Variants in PAK5 observed in about 807,000 individuals in gnomAD.
PAK5 encodes serine/threonine-protein kinase PAK 5.
In PAK5, 16 loss-of-function variants were observed where a neutral mutation model predicts 65.9. The observed-to-expected ratio is 0.24, with a 90% CI of 0.16 to 0.37. The LOEUF (loss-of-function observed/expected upper bound fraction) is 0.37, where lower values mean the gene tolerates loss of function less well. PAK5 is among the 10% of genes least tolerant of loss of function. The pLI, the probability that PAK5 is intolerant of heterozygous loss-of-function variation, is 1.00. For synonymous variants in PAK5, 371 were observed against 354.9 expected (o/e 1.05, Z -0.51); for missense variants, 785 against 903.9 (o/e 0.87, Z 1.69).
At chr20:9,754,451 A>G (rs1173133033) in intron 1 of PAK5, among the ~76,000 whole-genome samples, 1 of 152,050 alleles carries the variant, frequency 6.6e-6, no homozygotes, top group Admixed American at 6.6e-5. Flanking sequence ...CCATGAGACC[A>G]GATGAAGTAA....
At chr20:9,685,663 T>C (rs1012254993) in intron 2 of PAK5, among the ~76,000 whole-genome samples, 2 of 152,254 alleles carry the variant, frequency 1.3e-5, no homozygotes, top group Non-Finnish European at 2.9e-5. Flanking sequence ...CAGTTTGTGG[T>C]ACTTTGTTAT....
chr20:9,538,538 A>C lies in PAK5; in HGVS notation c.*924T>G, dbSNP rs2045206196. On this transcript the variant is annotated 3_prime_UTR_variant, in exon 10 of 10. Transcript: ENST00000353224. ...ACTGAATCCAATGATCCTAGCACTG[A>C]AATTGCTCCCTGGGAGGGAAATTTG... 2 of 233,344 alleles carry C rather than the reference A, an allele frequency of 8.6e-6. No individual in the cohort carries two copies. Among genetic ancestry groups the C allele is most frequent in the Non-Finnish European group, 1.7e-5 (2 of 117,928 alleles). The allele number at this position is 233,344 out of a possible 1,614,324, so 14.5% of individuals were successfully genotyped here.
intron 1 of PAK5, among the ~76,000 whole-genome samples, chr20:9,830,764 A>ATTGCACCT (rs1231330237): frequency 6.6e-6 from 1 of 152,208 alleles, no homozygotes; most frequent in Non-Finnish European, 1.5e-5. Context: ...GGGCACCCAC[A>ATTGCACCT]TTGCACCTTC....
chr20:9,814,794 G>T (rs530262384), intron 1 of PAK5, among the ~76,000 whole-genome samples: 53 of 152,294 alleles, frequency 3.5e-4, no homozygotes, highest in Middle Eastern at 6.8e-3. Flanking sequence ...AATGACACGA[G>T]GGTGGACACC....
At chr20:9,587,941 T>G (rs1478414182) in intron 3 of PAK5, among the ~76,000 whole-genome samples, 1 of 152,198 alleles carries the variant, frequency 6.6e-6, no homozygotes, top group Non-Finnish European at 1.5e-5. Context: ...ATGTACTATA[T>G]GTATTGTATT....
rs548829325 is a variant in PAK5, at chr20:9,791,381, C to T, written c.-162+47381G>A. On this transcript the variant is annotated intron_variant, in intron 1 of 9. Transcript: ENST00000353224. ...AAAAGACCCACCACTCACCCAGTCA[C>T]CCAAAGCAGGACCTTGGGCACAACT... 7.2e-5 allele frequency among the ~76,000 whole-genome samples: 11 copies of T among 152,226 alleles called. No homozygotes were observed. The East Asian group carries it at 2.1e-3, about 30-fold the overall frequency.
In PAK5 at chr20:9,570,358, A is replaced by T. The variant is rs539537340; in HGVS notation, c.991-3974T>A. Among the ~76,000 whole-genome samples the T allele has an allele frequency of 2.0e-5, 3 of 152,326 alleles. No homozygotes were observed. In the South Asian group the frequency reaches 6.2e-4, roughly 32 times the overall value. On this transcript the variant is annotated intron_variant, in intron 4 of 9. Transcript: ENST00000353224. ...TATTAATACTCAAAGCAATAAGACAAGATGTAGTTAACATTAATATATTGA... is the reference window on the plus strand; with the variant it reads ...TATTAATACTCAAAGCAATAAGACATGATGTAGTTAACATTAATATATTGA...
At chr20:9,665,917 C>G (rs574562055) in intron 2 of PAK5, among the ~76,000 whole-genome samples, 1 of 152,192 alleles carries the variant, frequency 6.6e-6, no homozygotes, top group East Asian at 1.9e-4. Flanking sequence ...ATGGCAGAGC[C>G]TTTCAGTTTT....
intron 7 of PAK5, among the ~76,000 whole-genome samples, chr20:9,549,362 T>C (rs1027537146): frequency 6.6e-6 from 1 of 152,058 alleles, no homozygotes; most frequent in Non-Finnish European, 1.5e-5. Context: ...ATAACCAGAT[T>C]AACGTAGGCC....
chr20:9,689,353 T>G (rs772517150), intron 2 of PAK5, among the ~76,000 whole-genome samples: 5 of 152,192 alleles, frequency 3.3e-5, no homozygotes, highest in Non-Finnish European at 5.9e-5. Context: ...CTCAGCCAAA[T>G]ACCAATTACC....
chr20:9,668,626 A>G (rs1174090759), intron 2 of PAK5, among the ~76,000 whole-genome samples: 1 of 152,196 alleles, frequency 6.6e-6, no homozygotes, highest in East Asian at 1.9e-4. Flanking sequence ...AGAGCATAAC[A>G]CTGAGAACGA....
At chr20:9,742,572 C>T (rs745760650) in intron 1 of PAK5, among the ~76,000 whole-genome samples, 3 of 152,136 alleles carry the variant, frequency 2.0e-5, no homozygotes, top group South Asian at 2.1e-4. Flanking sequence ...GCAGACATTC[C>T]ACTCACAACC....
chr20:9,639,187 AT>A (rs1387865165), intron 3 of PAK5, among the ~76,000 whole-genome samples: 13 of 152,154 alleles, frequency 8.5e-5, no homozygotes, highest in Non-Finnish European at 1.8e-4. Context: ...CAGAGAAGCC[AT>A]TTTCAAAAAA....
At chr20:9,704,840 C>T (rs2047985988) in intron 2 of PAK5, among the ~76,000 whole-genome samples, 1 of 152,158 alleles carries the variant, frequency 6.6e-6, no homozygotes. Flanking sequence ...ATGTGACACG[C>T]AACACCTCTA....
chr20:9,615,219 A>G (rs558742496), intron 3 of PAK5, among the ~76,000 whole-genome samples: 1 of 152,332 alleles, frequency 6.6e-6, no homozygotes, highest in South Asian at 2.1e-4. Context: ...TTTTTAGGGC[A>G]GCGATTCTTT....
chr20:9,674,091 G>A (rs981567260), intron 2 of PAK5, among the ~76,000 whole-genome samples: 1 of 152,148 alleles, frequency 6.6e-6, no homozygotes, highest in African/African-American at 2.4e-5. Flanking sequence ...ATGTAAATGG[G>A]AATTATGAGG....
In PAK5 at chr20:9,580,362, C is replaced by A. The variant is rs758725931; in HGVS notation, c.773G>T (p.Gly258Val). ...CCTGTCATAGTCATCCAGGCTGGGT[C>A]CCCATTCACTTTCACTGTACGCCAG... ...ESLAYSESEW[G>V]PSLDDYDRRP... Residue 258 changes from glycine to valine, a missense_variant, in exon 4 of 10, where the codon GGA becomes GTA. Gly to Val is a moderately radical substitution (Grantham distance 109). Coordinates refer to ENST00000353224, the MANE Select transcript of PAK5 (RefSeq NM_177990.4). 8 of 1,613,854 alleles carry A rather than the reference C, an allele frequency of 5.0e-6. No individual in the cohort carries two copies. The African/African-American group carries it at 9.4e-5, about 19-fold the overall frequency.
Position 9,756,414 on chromosome 20 carries a change from A to G in PAK5, c.-161-44979T>C, listed in dbSNP as rs867156940. 2.0e-5 allele frequency among the ~76,000 whole-genome samples: 3 copies of G among 152,222 alleles called. No homozygotes were observed. In the South Asian group the frequency reaches 6.2e-4, roughly 32 times the overall value. On this transcript the variant is annotated intron_variant, in intron 1 of 9. Transcript: ENST00000353224. ...CATGCCCCAAATCCAGTAAATAGCAATGCAAACACTGGTGCATTCCCCTAC... is the reference window on the plus strand; with the variant it reads ...CATGCCCCAAATCCAGTAAATAGCAGTGCAAACACTGGTGCATTCCCCTAC...
chr20:9,618,941 T>TTTTTTTTTTTTTTC, intron 3 of PAK5, among the ~76,000 whole-genome samples: 1 of 125,050 alleles, frequency 8.0e-6, no homozygotes, highest in Admixed American at 8.2e-5. Context: ...TTTTTTTTTT[T>TTTTTTTTTTTTTTC]TTTTTTTTAA....
Sources: allele counts gnomAD v4.1 joint callset (sites outside exome capture counted in the v4.1 genomes callset), GRCh38; gene constraint gnomAD v4.1.1; transcripts MANE v1.5; gene names NCBI Gene and HGNC (gene_info 2026-07-23, HGNC 2026-07-21).